Variants in MALRD1 observed in about 807,000 individuals in gnomAD.
MALRD1 encodes MAM and LDL receptor class A domain containing 1.
Under a neutral mutation model 242.1 loss-of-function variants are expected in MALRD1, and 247 were observed. That is an observed-to-expected ratio of 1.02 (90% CI 0.92 to 1.13). The LOEUF is 1.13. Among genes scored for constraint, MALRD1 ranks in the 50% most tolerant of loss-of-function variants. The probability of loss-of-function intolerance (pLI) is 0.00; values close to 1 mark genes in which losing one functional copy is unlikely to be tolerated. For synonymous variants in MALRD1, 995 were observed against 866.6 expected, an observed-to-expected ratio of 1.15 and a Z score of -2.60; for missense variants, 2,989 against 2,533.1, an observed-to-expected ratio of 1.18 and a Z score of -3.86.
chr10:19,489,162 C>T (rs1235276454), intron 29 of MALRD1: 1 of 469,632 alleles, frequency 2.1e-6, no homozygotes. Context: ...AGGAGGTCAG[C>T]GCTGTTGTCA....
intron 13 of MALRD1, among the ~76,000 whole-genome samples, chr10:19,171,670 A>ATAAATACACACATATATGTGTGTATG (rs1327010679): frequency 8.5e-5 from 12 of 141,248 alleles, no homozygotes; most frequent in South Asian, 2.1e-4. Flanking sequence ...ATGTGTGTAT[A>ATAAATACACACATATATGTGTGTATG]TAAATACACA....
chr10:19,370,143 T>G (rs1164652028), intron 26 of MALRD1, among the ~76,000 whole-genome samples: 2 of 152,100 alleles, frequency 1.3e-5, no homozygotes, highest in Admixed American at 6.6e-5. Context: ...CCTGGAAGAT[T>G]TGGTTGAAAA....
intron 31 of MALRD1, among the ~76,000 whole-genome samples, chr10:19,518,242 CAA>C (rs1457749603): frequency 6.6e-6 from 1 of 152,084 alleles, no homozygotes; most frequent in Non-Finnish European, 1.5e-5. Context: ...TGCAGAAACT[CAA>C]AGAGACAACC....
At chr10:19,316,237 A>C (rs766370646) in intron 21 of MALRD1, among the ~76,000 whole-genome samples, 2 of 151,790 alleles carry the variant, frequency 1.3e-5, no homozygotes, top group Non-Finnish European at 2.9e-5. Context: ...CATACAGTTT[A>C]GTTAAAGACT....
At chr10:19,510,406 A>G (rs372054028) in intron 31 of MALRD1, among the ~76,000 whole-genome samples, 4 of 152,190 alleles carry the variant, frequency 2.6e-5, no homozygotes, top group Admixed American at 6.5e-5. Context: ...ATTTCAGACT[A>G]TCACATGGGG....
At chr10:19,563,964 G>C (rs1036314782) in intron 32 of MALRD1, among the ~76,000 whole-genome samples, 1 of 152,126 alleles carries the variant, frequency 6.6e-6, no homozygotes, top group Non-Finnish European at 1.5e-5. Flanking sequence ...TCTTTTTCCT[G>C]CTTTCCCCAT....
At chr10:19,385,360 A>G (rs1846031408) in intron 26 of MALRD1, among the ~76,000 whole-genome samples, 1 of 152,030 alleles carries the variant, frequency 6.6e-6, no homozygotes, top group South Asian at 2.1e-4. Flanking sequence ...TTCACCCTTG[A>G]AGCCATCTGG....
intron 38 of MALRD1, 49 bp from the exon 39 acceptor site, chr10:19,730,657 T>C (rs1381926937): frequency 8.7e-6 from 13 of 1,499,268 alleles, no homozygotes; most frequent in South Asian, 1.2e-5. Context: ...AAATGTACTA[T>C]GGTAAATGTC....
intron 31 of MALRD1, among the ~76,000 whole-genome samples, chr10:19,516,251 C>G (rs117654148): frequency 6.6e-6 from 1 of 152,112 alleles, no homozygotes; most frequent in African/African-American, 2.4e-5. Context: ...TAGTTTCTAT[C>G]TTAGAGTTTA....
chr10:19,461,027 C>T (rs1271052574), intron 29 of MALRD1, among the ~76,000 whole-genome samples: 1 of 152,122 alleles, frequency 6.6e-6, no homozygotes, highest in Admixed American at 6.6e-5. Flanking sequence ...CCTAATTCCT[C>T]CACTGATCCG....
intron 29 of MALRD1, among the ~76,000 whole-genome samples, chr10:19,485,759 A>G (rs1337177445): frequency 1.3e-5 from 2 of 150,778 alleles, no homozygotes; most frequent in African/African-American, 4.8e-5. Context: ...CCATCGATAC[A>G]TTTTTATACC....
intron 5 of MALRD1, among the ~76,000 whole-genome samples, chr10:19,121,097 G>A (rs2131374749): frequency 7.5e-6 from 1 of 133,388 alleles, no homozygotes; most frequent in East Asian, 2.6e-4. Flanking sequence ...AGGCTAAAGT[G>A]CAGTGGTGCG....
intron 36 of MALRD1, among the ~76,000 whole-genome samples, chr10:19,660,320 C>A (rs1841368859): frequency 6.6e-6 from 1 of 152,126 alleles, no homozygotes; most frequent in East Asian, 1.9e-4. Flanking sequence ...CACATCAGCA[C>A]AATTTAATTG....
At chr10:19,513,006 G>A (rs1214626416) in intron 31 of MALRD1, among the ~76,000 whole-genome samples, 3 of 152,168 alleles carry the variant, frequency 2.0e-5, no homozygotes, top group Non-Finnish European at 4.4e-5. Context: ...CATTTCAGGT[G>A]TGTAGCACTG....
chr10:19,235,611 A>AGAGAGAGAGAGAGAGAGC (rs1176634148), intron 18 of MALRD1, among the ~76,000 whole-genome samples: 1 of 141,666 alleles, frequency 7.1e-6, no homozygotes, highest in Non-Finnish European at 1.6e-5. Flanking sequence ...AGAGAGAGAG[A>AGAGAGAGAGAGAGAGAGC]GAGCGCCTAG....
chr10:19,559,391 T>G (rs1475012710), intron 32 of MALRD1, among the ~76,000 whole-genome samples: 1 of 152,096 alleles, frequency 6.6e-6, no homozygotes, highest in Non-Finnish European at 1.5e-5. Context: ...TTTCTTACTT[T>G]AAACTATATG....
rs1020568126 is a variant in MALRD1, at chr10:19,205,076, C to G, written c.2389C>G (p.Leu797Val). Residue 797 changes from leucine to valine, a missense_variant, in exon 17 of 40, where the codon CTG (leucine) becomes GTG (valine). By Grantham distance (32) the Leu-to-Val change is conservative. Coordinates refer to ENST00000454679, the MANE Select transcript of MALRD1 (RefSeq NM_001142308.3). ...PFHLSLDKVS[L>V]GIYDGVSAID... is the part of the protein sequence containing the mutation. ...CCATTTGTCACTAGATAAAGTCAGT[C>G]TGGGCATTTATGATGGGGTCTCAGC... is the stretch of plus-strand genomic sequence containing the variant. 5.8e-6 allele frequency: 9 copies of G among 1,550,740 alleles called. No homozygotes were observed. Among genetic ancestry groups the G allele is most frequent in the Non-Finnish European group, 6.1e-6 (7 of 1,147,010 alleles).
Position 19,324,025 on chromosome 10 carries a change from C to T in MALRD1, c.3496C>T (p.Pro1166Ser), listed in dbSNP as rs549463603. Residue 1166 changes from proline to serine, a missense_variant, in exon 22 of 40, where the codon CCT becomes TCT. Physicochemically the swap from Pro to Ser is moderately conservative, Grantham distance 74. Coordinates refer to ENST00000454679, the MANE Select transcript of MALRD1 (RefSeq NM_001142308.3). ...KFGDTADILT[P>S]IISLTGPKCT... ...TGGTGACACGGCTGACATTCTCACT[C>T]CTATCATTTCACTCACGGGACCAAA... 1.3e-6 allele frequency: 2 copies of T among 1,550,736 alleles called. No individual in the cohort carries two copies. Among genetic ancestry groups the T allele is most frequent in the South Asian group, 1.2e-5 (1 of 84,058 alleles).
intron 14 of MALRD1, among the ~76,000 whole-genome samples, chr10:19,183,482 T>A (rs1835607368): frequency 6.6e-6 from 1 of 152,148 alleles, no homozygotes; most frequent in Non-Finnish European, 1.5e-5. Context: ...TGAACTTAAA[T>A]CCTCCTAAAA....
Sources: allele counts gnomAD v4.1 joint callset (sites outside exome capture counted in the v4.1 genomes callset), GRCh38; gene constraint gnomAD v4.1.1; transcripts MANE v1.5; gene names NCBI Gene and HGNC (gene_info 2026-07-23, HGNC 2026-07-21).